Variants in EXD2 observed in about 807,000 individuals in gnomAD.
The protein encoded by EXD2 is exonuclease 3'-5' domain containing 2.
In EXD2, 40 loss-of-function variants were observed where a neutral mutation model predicts 62.5. The observed-to-expected ratio is 0.64, with a 90% CI of 0.50 to 0.83. The LOEUF (loss-of-function observed/expected upper bound fraction) is 0.83. Ranked by LOEUF, EXD2 falls within the 40% of genes least tolerant of loss-of-function variation. The pLI is 0.00. For synonymous variants in EXD2, 239 were observed against 291.9 expected, an observed-to-expected ratio of 0.82 and a Z score of 1.85; for missense variants, 671 against 761.8, an observed-to-expected ratio of 0.88 and a Z score of 1.40.
chr14:69,230,577 T>C lies in EXD2; in HGVS notation c.696T>C (p.Ala232=), dbSNP rs2043539121. 1 of 1,613,258 alleles carries C rather than the reference T, an allele frequency of 6.2e-7. No homozygotes were observed. Among genetic ancestry groups the C allele is most frequent in the South Asian group, 1.1e-5 (1 of 90,998 alleles). The change falls in exon 5 of 10, where the codon GCT becomes GCC. Residue 232 remains alanine, a synonymous_variant. Transcript: ENST00000685843. ...TACTTCGTTGCAGCAACTGGGATGC[T>C]GAGACTCTCACAGAGGACCAGGTAC... ...SLLLRCSNWD[A]ETLTEDQVIY... is the part of the protein sequence containing the mutation.
chr14:69,205,239 T>C (rs2042550365), intron 2 of EXD2, among the ~76,000 whole-genome samples: 1 of 152,160 alleles, frequency 6.6e-6, no homozygotes, highest in Non-Finnish European at 1.5e-5. Context: ...TTAGTAAAGA[T>C]GGGATCTCAT....
intron 3 of EXD2, among the ~76,000 whole-genome samples, chr14:69,212,292 G>T (rs1201095593): frequency 1.3e-5 from 2 of 152,042 alleles, no homozygotes; most frequent in African/African-American, 2.4e-5. Flanking sequence ...CAGGAGAATT[G>T]CTTGAGCCCA....
chr14:69,237,558 G>C lies in EXD2; in HGVS notation c.1293-17G>C, dbSNP rs759734118. 3.1e-6 allele frequency: 5 copies of C among 1,612,746 alleles called. No individual in the cohort carries two copies. The highest frequency in any genetic ancestry group is 4.2e-6 in the Non-Finnish European group (5 of 1,178,878). On this transcript the variant is annotated splice_polypyrimidine_tract_variant and intron_variant, in intron 8 of 9. Transcript: ENST00000685843. The stretch of plus-strand genomic sequence containing the variant: ...CATACACTTATGAGCGCTGCTTTCC[G>C]GCTGGGCTTGTTCCAGGAAGAACGT...
chr14:69,216,908 C>T (rs987317083), intron 3 of EXD2, among the ~76,000 whole-genome samples: 1 of 152,068 alleles, frequency 6.6e-6, no homozygotes, highest in African/African-American at 2.4e-5. Flanking sequence ...ACTATAGTCA[C>T]CATGCTGTAC....
At chr14:69,210,407 G>T (rs1341609022) in intron 3 of EXD2, among the ~76,000 whole-genome samples, 1 of 152,066 alleles carries the variant, frequency 6.6e-6, no homozygotes, top group Non-Finnish European at 1.5e-5. Flanking sequence ...CACCATATGG[G>T]CATAACTTGG....
At position 69,236,541 on chromosome 14, in the gene EXD2, C is replaced by A. The variant is rs141991626; in HGVS notation, c.1291C>A (p.Arg431=). 4 of 1,613,980 alleles carry A rather than the reference C, an allele frequency of 2.5e-6. No individual in the cohort carries two copies. Among genetic ancestry groups the A allele is most frequent in the Non-Finnish European group, 3.4e-6 (4 of 1,180,012 alleles). ...VVCGKRDSYI[R]KNVIPHEYRK... is the part of the protein sequence containing the mutation. ...GTGTGGCAAGAGAGACTCCTACATT[C>A]GGTGAGTGCAGCATTGGGCCACCCT... The change falls in exon 8 of 10, where the codon CGG becomes AGG. Residue 431 remains arginine (R), a splice_region_variant and synonymous_variant. Transcript: ENST00000685843.
chr14:69,217,559 C>CT (rs2043025140), intron 3 of EXD2, among the ~76,000 whole-genome samples: 1 of 151,166 alleles, frequency 6.6e-6, no homozygotes, highest in Non-Finnish European at 1.5e-5. Context: ...TTTTATTATA[C>CT]TTTAAGTTAT....
intron 5 of EXD2, among the ~76,000 whole-genome samples, chr14:69,233,999 T>C (rs1017655353): frequency 2.6e-5 from 4 of 152,132 alleles, no homozygotes; most frequent in African/African-American, 9.7e-5. Context: ...ACTCCTGACC[T>C]CAGGTGATCT....
In EXD2 at chr14:69,234,701, T is replaced by G; in HGVS notation, c.719T>G (p.Val240Gly). The change falls in exon 6 of 10, where the codon GTA (valine) becomes GGA (glycine). Residue 240 changes from valine to glycine, a missense_variant and splice_region_variant. Transcript: ENST00000685843. ...WDAETLTEDQ[V>G]IYAARDAQIS... ...CTGATCTCTGACTTTTCTCTTCAGG[T>G]AATTTATGCTGCCAGGGATGCCCAG... 6.2e-7 allele frequency: 1 copy of G among 1,604,772 alleles called. No homozygotes were observed. The highest frequency in any genetic ancestry group is 8.5e-7 in the Non-Finnish European group (1 of 1,175,926).
rs2044000055 is a variant in EXD2, at chr14:69,242,244, A to G, written c.*1144A>G. 1 of 388,200 alleles carries G rather than the reference A, an allele frequency of 2.6e-6. No homozygotes were observed. Among genetic ancestry groups the G allele is most frequent in the South Asian group, 1.4e-4 (1 of 6,942 alleles). The allele number at this position is 388,200 out of a possible 1,614,324, so 24.0% of individuals were successfully genotyped here. ...AACTTTCTTATTTTATAAGATCTTA[A>G]CAAGCTTAAAAAAGAATTTTATGAC... On this transcript the variant is annotated 3_prime_UTR_variant, in exon 10 of 10. Coordinates refer to ENST00000685843, the MANE Select transcript of EXD2 (RefSeq NM_001193360.2).
At position 69,237,780 on chromosome 14, in the gene EXD2, C is replaced by T. The variant is rs573844426; in HGVS notation, c.1498C>T (p.Arg500Trp). Residue 500 changes from arginine to tryptophan, a missense_variant, in exon 9 of 10, where the codon CGG (arginine) becomes TGG (tryptophan). Transcript: ENST00000685843. ...GCGCCTGCTGGAAGATCCTGAGCGC[C>T]GGCAGGTGCGTTCTGGGGCCAGGGC... ...GLRLLEDPER[R>W]QVRSGARALL... 1.9e-5 allele frequency: 31 copies of T among 1,613,566 alleles called. No individual in the cohort carries two copies. The highest frequency in any genetic ancestry group is 1.7e-4 in the Middle Eastern group (1 of 6,056).
intron 9 of EXD2, among the ~76,000 whole-genome samples, chr14:69,240,494 C>T (rs574751375): frequency 1.3e-5 from 2 of 152,312 alleles, no homozygotes; most frequent in African/African-American, 2.4e-5. Context: ...TTAACAGCCT[C>T]ATATAAATAC....
rs1246507907 is a variant in EXD2, at chr14:69,209,714, G to A, written c.244G>A (p.Val82Met). The A allele has an allele frequency of 6.5e-7, 1 of 1,550,296 alleles. No homozygotes were observed. The highest frequency in any genetic ancestry group is 2.0e-5 in the Admixed American group (1 of 50,928). Residue 82 changes from valine to methionine, a missense_variant, in exon 3 of 10, where the codon GTG (valine) becomes ATG (methionine). Val to Met is a conservative substitution (Grantham distance 21). Coordinates refer to ENST00000685843, the MANE Select transcript of EXD2 (RefSeq NM_001193360.2). The part of the protein sequence containing the change: ...ERILKAKVVT[V>M]SQEAEWDQIE... ...GATCCTTAAAGCAAAGGTGGTGACGGTGTCTCAGGAGGCAGAGTGGGATCA... is the reference window on the plus strand; with the variant it reads ...GATCCTTAAAGCAAAGGTGGTGACGATGTCTCAGGAGGCAGAGTGGGATCA...
At position 69,234,683 on chromosome 14, in the gene EXD2, C is replaced by T; in HGVS notation, c.718-17C>T. On this transcript the variant is annotated splice_polypyrimidine_tract_variant and intron_variant, in intron 5 of 9. Transcript: ENST00000685843. Reference sequence around the variant, plus strand: ...TTTGCCTTCCAGATTCCACTGATCTCTGACTTTTCTCTTCAGGTAATTTAT... The same window carrying T: ...TTTGCCTTCCAGATTCCACTGATCTTTGACTTTTCTCTTCAGGTAATTTAT... The T allele has an allele frequency of 6.3e-7, 1 of 1,592,552 alleles. No individual in the cohort carries two copies. The highest frequency in any genetic ancestry group is 8.5e-7 in the Non-Finnish European group (1 of 1,170,320).
intron 1 of EXD2, among the ~76,000 whole-genome samples, chr14:69,198,965 C>G (rs998983773): frequency 1.3e-5 from 2 of 152,188 alleles, no homozygotes; most frequent in Admixed American, 6.5e-5. Flanking sequence ...AACAGTGGGC[C>G]GGGCATGGAG....
chr14:69,219,331 ATGCTT>A (rs1344343410), intron 3 of EXD2, among the ~76,000 whole-genome samples: 3 of 152,188 alleles, frequency 2.0e-5, no homozygotes, highest in Non-Finnish European at 4.4e-5. Flanking sequence ...GTGTATAAAA[ATGCTT>A]TGATTTTTGC....
At position 69,221,387 on chromosome 14, in the gene EXD2, A is replaced by G. The variant is rs559853410; in HGVS notation, c.334-7429A>G. On this transcript the variant is annotated intron_variant, in intron 3 of 9. Coordinates refer to ENST00000685843, the MANE Select transcript of EXD2 (RefSeq NM_001193360.2). Reference sequence around the variant, plus strand: ...TTCTTGAATAGTTATAGAGCTATTAATATTTTCTATTTCTTAATGTCTCAG... The same window carrying G: ...TTCTTGAATAGTTATAGAGCTATTAGTATTTTCTATTTCTTAATGTCTCAG... Among the ~76,000 whole-genome samples, 190 of 152,206 alleles carry G rather than the reference A, an allele frequency of 1.2e-3. 4 individuals carry two copies. The highest frequency in any genetic ancestry group is 3.5e-4 in the Non-Finnish European group (24 of 68,042).
chr14:69,232,183 A>G (rs1411817953), intron 5 of EXD2, among the ~76,000 whole-genome samples: 2 of 152,078 alleles, frequency 1.3e-5, no homozygotes, highest in African/African-American at 4.8e-5. Flanking sequence ...TAACCATTAT[A>G]TGATTTAAAC....
chr14:69,226,666 T>A (rs1370503905), intron 3 of EXD2, among the ~76,000 whole-genome samples: 1 of 152,096 alleles, frequency 6.6e-6, no homozygotes, highest in East Asian at 1.9e-4. Flanking sequence ...GAGAATCGCT[T>A]GAACCCGGGA....
Sources: gnomAD v4.1 joint callset for allele counts (sites outside exome capture counted in the v4.1 genomes callset) on GRCh38, gnomAD v4.1.1 for gene constraint, MANE v1.5 for transcripts, NCBI Gene and HGNC (gene_info 2026-07-23, HGNC 2026-07-21) for gene names.